RACGAP1: variants seen among roughly 807,000 people sequenced by gnomAD.
The protein encoded by RACGAP1 is rac GTPase-activating protein 1.
Under a neutral mutation model 78.1 loss-of-function variants are expected in RACGAP1, and 30 were observed. The observed-to-expected ratio is 0.38, with a 90% confidence interval of 0.29 to 0.52. The LOEUF is 0.52. Among genes scored for constraint, RACGAP1 ranks in the 20% least tolerant of loss-of-function variants. RACGAP1 has a pLI of 0.82. For synonymous variants in RACGAP1, 231 were observed against 264.8 expected (o/e 0.87, Z 1.24); for missense variants, 587 against 777.1 (o/e 0.76, Z 2.91).
intron 5 of RACGAP1, among the ~76,000 whole-genome samples, chr12:50,003,170 G>C (rs1948788954): frequency 6.6e-6 from 1 of 152,028 alleles, no homozygotes. Flanking sequence ...AGTTACCTGT[G>C]ATTTCCTTAC....
intron 2 of RACGAP1, among the ~76,000 whole-genome samples, chr12:50,030,662 C>T (rs1342948341): frequency 6.6e-6 from 1 of 152,152 alleles, no homozygotes; most frequent in East Asian, 1.9e-4. Context: ...GCACTCCAGA[C>T]TGGGCGACAG....
chr12:50,026,745 T>C (rs1270219549), upstream of RACGAP1, among the ~76,000 whole-genome samples: 1 of 152,238 alleles, frequency 6.6e-6, no homozygotes, highest in Non-Finnish European at 1.5e-5. Flanking sequence ...TGGAGTGCAG[T>C]GGCACAATTA....
At chr12:50,005,480 T>G in intron 3 of RACGAP1, 88 bp from the exon 4 acceptor site, 1 of 1,491,272 alleles carries the variant, frequency 6.7e-7, no homozygotes, top group Non-Finnish European at 9.1e-7. Flanking sequence ...CCAGAAGACA[T>G]TAAAATGCAG....
chr12:50,002,103 T>G (rs76733686), intron 6 of RACGAP1, 144 bp downstream of exon 6: 23 of 478,468 alleles, frequency 4.8e-5, no homozygotes, highest in Admixed American at 3.9e-4. Context: ...ATATCAATAC[T>G]GTCCCCACAG....
intron 12 of RACGAP1, among the ~76,000 whole-genome samples, chr12:49,993,831 G>A (rs1202225604): frequency 6.6e-6 from 1 of 151,448 alleles, no homozygotes. Flanking sequence ...CAAATCACAG[G>A]GCAGGAGATC....
chr12:49,992,051 T>C lies in RACGAP1; in HGVS notation c.1661A>G (p.His554Arg), dbSNP rs1402658167. Residue 554 changes from histidine to arginine, a missense_variant, in exon 15 of 17, where the codon CAT becomes CGT. His to Arg is a conservative substitution (Grantham distance 29, BLOSUM62 0). Coordinates refer to ENST00000312377, the MANE Select transcript of RACGAP1 (RefSeq NM_001319999.2). ...AAAGGCATTTGAGTTTTCAATGACA[T>C]GTAGGGGGTCAATGTTCTCTTGCTC... Reference protein sequence around the residue: ...MVEQENIDPLHVIENSNAFST... With the variant: ...MVEQENIDPLRVIENSNAFST... The C allele has an allele frequency of 1.2e-6, 2 of 1,614,110 alleles. No homozygotes were observed.
upstream of RACGAP1, among the ~76,000 whole-genome samples, chr12:50,028,884 C>A (rs1440662275): frequency 1.3e-5 from 2 of 151,940 alleles, no homozygotes; most frequent in East Asian, 1.9e-4. Flanking sequence ...GAGTTCAAGA[C>A]CAGCCTGGCC....
intron 5 of RACGAP1, chr12:50,002,637 T>G: frequency 4.7e-6 from 1 of 213,198 alleles, no homozygotes; most frequent in South Asian, 9.4e-5. Flanking sequence ...TTACAGAATG[T>G]TAGGCACTAT....
upstream of RACGAP1, among the ~76,000 whole-genome samples, chr12:50,029,658 C>T (rs1950313840): frequency 6.6e-6 from 1 of 152,060 alleles, no homozygotes; most frequent in Non-Finnish European, 1.5e-5. Flanking sequence ...CTTTGGGAGG[C>T]CGAGGTGGGC....
Position 50,000,733 on chromosome 12 carries a change from T to C in RACGAP1, c.630+439A>G, listed in dbSNP as rs79727857. On this transcript the variant is annotated intron_variant, in intron 7 of 16. Coordinates refer to ENST00000312377, the MANE Select transcript of RACGAP1 (RefSeq NM_001319999.2). ...ATCAGAGTAATTCCATTCATAGGGA[T>C]AAGGATCCTACTGCATAGAAAAACT... Among the ~76,000 whole-genome samples the C allele has an allele frequency of 8.0e-3, 1,216 of 152,206 alleles. 20 individuals carry two copies. Among genetic ancestry groups the C allele is most frequent in the African/African-American group, 0.027 (1,129 of 41,538 alleles).
rs541643135 is a variant in RACGAP1, at chr12:50,006,911, C to T, written c.86-275G>A. 1.8e-4 allele frequency among the ~76,000 whole-genome samples: 27 copies of T among 152,286 alleles called. No homozygotes were observed. In the East Asian group the frequency reaches 4.4e-3, roughly 25 times the overall value. Reference sequence around the variant, plus strand: ...AATATGTAACTCATTAGTCACCTGGCTCCAGATGTAACACTAACACTGAAA... The same window carrying T: ...AATATGTAACTCATTAGTCACCTGGTTCCAGATGTAACACTAACACTGAAA... On this transcript the variant is annotated intron_variant, in intron 2 of 16. Coordinates refer to ENST00000312377, the MANE Select transcript of RACGAP1 (RefSeq NM_001319999.2).
chr12:50,017,332 T>G (rs1389497825), intron 1 of RACGAP1, among the ~76,000 whole-genome samples: 1 of 152,200 alleles, frequency 6.6e-6, no homozygotes, highest in East Asian at 1.9e-4. Flanking sequence ...GTCTAATAAA[T>G]TTATACTAAG....
rs775916994 is a variant in RACGAP1, at chr12:49,999,745, G to A, written c.631-12C>T. 6.4e-7 allele frequency: 1 copy of A among 1,574,282 alleles called. No homozygotes were observed. Among genetic ancestry groups the A allele is most frequent in the South Asian group, 1.1e-5 (1 of 90,190 alleles). On this transcript the variant is annotated splice_polypyrimidine_tract_variant and intron_variant, in intron 7 of 16. Coordinates refer to ENST00000312377, the MANE Select transcript of RACGAP1 (RefSeq NM_001319999.2). ...ATGGATTCATTCCCCTGCAACAAAAGTAGTAATGAGGAAAGACAAACAAAG... is the reference window on the plus strand; with the variant it reads ...ATGGATTCATTCCCCTGCAACAAAAATAGTAATGAGGAAAGACAAACAAAG...
At chr12:50,025,044 C>G (rs1950212057) in intron 1 of RACGAP1, among the ~76,000 whole-genome samples, 1 of 151,992 alleles carries the variant, frequency 6.6e-6, no homozygotes, top group Non-Finnish European at 1.5e-5. Context: ...AGGGCTCTTC[C>G]CTTCGAAAAC....
At chr12:49,992,976 C>T (rs917670060) in intron 12 of RACGAP1, among the ~76,000 whole-genome samples, 3 of 152,114 alleles carry the variant, frequency 2.0e-5, no homozygotes, top group Non-Finnish European at 1.5e-5. Context: ...TAAGGGCCTA[C>T]GATGTGCCAG....
At chr12:50,022,314 G>A (rs1404059364) in intron 1 of RACGAP1, among the ~76,000 whole-genome samples, 1 of 152,204 alleles carries the variant, frequency 6.6e-6, no homozygotes, top group African/African-American at 2.4e-5. Flanking sequence ...TAGGTGTGGT[G>A]GCTCACGCCT....
At chr12:50,027,957 T>C (rs1950295533), upstream of RACGAP1, among the ~76,000 whole-genome samples, 1 of 152,186 alleles carries the variant, frequency 6.6e-6, no homozygotes, top group East Asian at 1.9e-4. Flanking sequence ...TGAGTAGCTT[T>C]GGCCTGAGAA....
At chr12:50,029,235 T>G (rs1330134665), upstream of RACGAP1, among the ~76,000 whole-genome samples, 3 of 112,430 alleles carry the variant, frequency 2.7e-5, no homozygotes, top group African/African-American at 1.0e-4. Context: ...AAAAAAAAAA[T>G]TAGCTGGGCA....
At chr12:50,004,192 G>C (rs773589726) in intron 5 of RACGAP1, 43 bp downstream of exon 5, 87 of 1,581,132 alleles carry the variant, frequency 5.5e-5, no homozygotes, top group Admixed American at 1.0e-4. Flanking sequence ...GGGAAGCAGA[G>C]GTAAGAAAAG....
Sources: gnomAD v4.1 joint callset for allele counts (sites outside exome capture counted in the v4.1 genomes callset) on GRCh38, gnomAD v4.1.1 for gene constraint, MANE v1.5 for transcripts, NCBI Gene and HGNC (gene_info 2026-07-23, HGNC 2026-07-21) for gene names.